PDE6D: variants seen among roughly 807,000 people sequenced by gnomAD.
PDE6D encodes the protein retinal rod rhodopsin-sensitive cGMP 3',5'-cyclic phosphodiesterase subunit delta.
Under a neutral mutation model 21.9 loss-of-function variants are expected in PDE6D, and 10 were observed. The observed-to-expected ratio is 0.46, with a 90% CI of 0.28 to 0.78. The LOEUF is 0.78. PDE6D is among the 30% of genes least tolerant of loss of function. The pLI, the probability that PDE6D is intolerant of heterozygous loss-of-function variation, is 0.12. For synonymous variants in PDE6D, 59 were observed against 63.5 expected (o/e 0.93, Z 0.34); for missense variants, 139 against 184.8 (o/e 0.75, Z 1.44).
chr2:231,752,113 A>C (rs1297702366), intron 1 of PDE6D, among the ~76,000 whole-genome samples: 1 of 152,240 alleles, frequency 6.6e-6, no homozygotes, highest in Non-Finnish European at 1.5e-5. Context: ...AAAGTATTTT[A>C]ACACTAAGAA....
intron 1 of PDE6D, 30 bp downstream of exon 1, chr2:231,781,034 TC>T: frequency 6.2e-7 from 1 of 1,601,236 alleles, no homozygotes; most frequent in Non-Finnish European, 8.5e-7. Flanking sequence ...TCCCAAGTCC[TC>T]CCGGCCCCGC....
intron 4 of PDE6D, among the ~76,000 whole-genome samples, 194 bp from the exon 5 acceptor site, chr2:231,733,227 T>C (rs2048666394): frequency 6.6e-6 from 1 of 152,178 alleles, no homozygotes; most frequent in Non-Finnish European, 1.5e-5. Context: ...CTTATGTGGT[T>C]ACATTCATCC....
At chr2:231,766,995 A>G (rs1330974535) in intron 1 of PDE6D, among the ~76,000 whole-genome samples, 5 of 125,808 alleles carry the variant, frequency 4.0e-5, no homozygotes, top group Non-Finnish European at 8.5e-5. Flanking sequence ...CTCCGTCTCA[A>G]AAAAAAAAAA....
chr2:231,737,900 A>G (rs1217703035), intron 3 of PDE6D, 113 bp downstream of exon 3: 12 of 1,061,554 alleles, frequency 1.1e-5, no homozygotes, highest in Middle Eastern at 2.1e-4. Flanking sequence ...TCCTACCACA[A>G]ACTGAGTTGT....
intron 4 of PDE6D, among the ~76,000 whole-genome samples, chr2:231,734,438 A>G (rs2048679268): frequency 1.4e-5 from 2 of 144,602 alleles, no homozygotes; most frequent in South Asian, 4.4e-4. Flanking sequence ...AAGTCAAATG[A>G]AGTTTAATAA....
chr2:231,774,024 C>A (rs2049034851), intron 1 of PDE6D, among the ~76,000 whole-genome samples: 1 of 152,070 alleles, frequency 6.6e-6, no homozygotes, highest in Non-Finnish European at 1.5e-5. Flanking sequence ...ACCTCCACCT[C>A]CTGGGTTCAA....
In PDE6D at chr2:231,732,855, G is replaced by T. The variant is rs1044680016; in HGVS notation, c.*97C>A. 1.5e-4 allele frequency: 116 copies of T among 790,392 alleles called. No individual in the cohort carries two copies. The Admixed American group carries it at 2.1e-3, about 15-fold the overall frequency. The allele number at this position is 790,392 out of a possible 1,614,324, so 49.0% of individuals were successfully genotyped here. On this transcript the variant is annotated 3_prime_UTR_variant, in exon 5 of 5. Coordinates refer to ENST00000287600, the MANE Select transcript of PDE6D (RefSeq NM_002601.4). ...TTCTGCTGTTGAGGGAATTAGGGGT[G>T]TATGTGTCAAAAATCAAACGTGTGG... is the stretch of plus-strand genomic sequence containing the variant.
At chr2:231,774,638 G>A (rs1364730387) in intron 1 of PDE6D, among the ~76,000 whole-genome samples, 1 of 151,868 alleles carries the variant, frequency 6.6e-6, no homozygotes, top group African/African-American at 2.4e-5. Flanking sequence ...ACCCAGGCTG[G>A]AGTGCAGTGG....
At chr2:231,776,404 A>T (rs1669501757) in intron 1 of PDE6D, among the ~76,000 whole-genome samples, 1 of 152,136 alleles carries the variant, frequency 6.6e-6, no homozygotes, top group Non-Finnish European at 1.5e-5. Flanking sequence ...GGAAATCATA[A>T]ACATGGTAAA....
Position 231,738,103 on chromosome 2 carries a change from C to T in PDE6D, c.175G>A (p.Val59Met). 2 of 1,613,420 alleles carry T rather than the reference C, an allele frequency of 1.2e-6. No homozygotes were observed. Among genetic ancestry groups the T allele is most frequent in the Non-Finnish European group, 1.7e-6 (2 of 1,179,682 alleles). Residue 59 changes from valine to methionine, a missense_variant, in exon 3 of 5, where the codon GTG (valine) becomes ATG (methionine). By Grantham distance (21) the Val-to-Met change is conservative. Transcript: ENST00000287600. Reference protein sequence around the residue: ...VPKKILKCKAVSRELNFSSTE... With the variant: ...VPKKILKCKAMSRELNFSSTE... Reference sequence around the variant, plus strand: ...GAAGAAAAATTAAGTTCTCGAGACACTGCCTTGCACTTGAGGATTTTCTTG... The same window carrying T: ...GAAGAAAAATTAAGTTCTCGAGACATTGCCTTGCACTTGAGGATTTTCTTG...
intron 1 of PDE6D, among the ~76,000 whole-genome samples, chr2:231,766,179 C>T (rs989041028): frequency 6.6e-6 from 1 of 152,134 alleles, no homozygotes; most frequent in African/African-American, 2.4e-5. Context: ...GGTGATATCC[C>T]CGTGAAATAA....
intron 1 of PDE6D, among the ~76,000 whole-genome samples, chr2:231,766,771 T>G (rs2048974056): frequency 1.3e-5 from 2 of 152,010 alleles, no homozygotes; most frequent in Non-Finnish European, 2.9e-5. Flanking sequence ...GAAGGGTGGA[T>G]CATCTGAGGT....
chr2:231,739,197 A>G lies in PDE6D; in HGVS notation c.51-9T>C. 1 of 1,577,216 alleles carries G rather than the reference A, an allele frequency of 6.3e-7. No individual in the cohort carries two copies. Reference sequence around the variant, plus strand: ...GAAGGTTCATCCAATTTCTGATCAAATATGACTAAGGAAAAATAAGGCACT... The same window carrying G: ...GAAGGTTCATCCAATTTCTGATCAAGTATGACTAAGGAAAAATAAGGCACT... On this transcript the variant is annotated splice_polypyrimidine_tract_variant and intron_variant, in intron 1 of 4. Transcript: ENST00000287600. This position sits in a 1 kb window ranked among gnomAD's most constrained non-coding sequence, Gnocchi z 4.2.
rs1553557786 is a variant in PDE6D at position 231,750,481 on chromosome 2, C to CATTTTTTTTTTTTTTTT, written c.51-11294_51-11293insAAAAAAAAAAAAAAAAT. On this transcript the variant is annotated intron_variant, in intron 1 of 4. Transcript: ENST00000287600. ...ATATATGTCTATTTCATCCATATCACTTTTTTTTTTTTTTTTTTTTAGACA... is the reference window on the plus strand; with the variant it reads ...ATATATGTCTATTTCATCCATATCACATTTTTTTTTTTTTTTTTTTTTTTTTTTTTTTTTTTTAGACA... Among the ~76,000 whole-genome samples, 3 of 133,562 alleles carry CATTTTTTTTTTTTTTTT rather than the reference C, an allele frequency of 2.2e-5. 1 individual carries two copies. Among genetic ancestry groups the CATTTTTTTTTTTTTTTT allele is most frequent in the Non-Finnish European group, 4.8e-5 (3 of 62,760 alleles). 87.6% of individuals were successfully genotyped at this position (133,562 alleles called of 152,430 possible). A position where few individuals can be genotyped will look rare whatever the true frequency, so the allele number is the denominator to read the frequency against.
intron 1 of PDE6D, among the ~76,000 whole-genome samples, chr2:231,746,782 A>G (rs1356266156): frequency 6.6e-6 from 1 of 152,174 alleles, no homozygotes; most frequent in Admixed American, 6.6e-5. Context: ...CAGGAGAGAC[A>G]CAGGGACGGA....
chr2:231,770,031 T>C (rs2049002459), intron 1 of PDE6D, among the ~76,000 whole-genome samples: 1 of 152,268 alleles, frequency 6.6e-6, no homozygotes, highest in African/African-American at 2.4e-5. Context: ...CAGGACATGT[T>C]TGTTTATCCA....
intron 1 of PDE6D, among the ~76,000 whole-genome samples, chr2:231,745,141 T>A (rs2048783355): frequency 6.6e-6 from 1 of 151,982 alleles, no homozygotes; most frequent in African/African-American, 2.4e-5. Flanking sequence ...AAGGTAGATG[T>A]CTTAAAATAA....
chr2:231,752,831 GTTTTT>G (rs778027978), intron 1 of PDE6D, among the ~76,000 whole-genome samples: 2 of 119,298 alleles, frequency 1.7e-5, no homozygotes, highest in African/African-American at 6.5e-5. Context: ...AGAGATTTGA[GTTTTT>G]TTTTTTTTTT....
At chr2:231,771,822 A>G (rs2049017935) in intron 1 of PDE6D, among the ~76,000 whole-genome samples, 3 of 152,244 alleles carry the variant, frequency 2.0e-5, no homozygotes, top group African/African-American at 7.2e-5. Context: ...TTGCCAAAAA[A>G]AGTACTTGTT....
Sources: gnomAD v4.1 joint callset for allele counts (sites outside exome capture counted in the v4.1 genomes callset) on GRCh38, gnomAD v4.1.1 for gene constraint, Gnocchi (gnomAD v3.1) non-coding constraint, MANE v1.5 for transcripts, NCBI Gene and HGNC (gene_info 2026-07-23, HGNC 2026-07-21) for gene names.